Variants in PCDHGB5 observed in about 807,000 individuals in gnomAD.
PCDHGB5 encodes the protein protocadherin gamma-B5.
A neutral mutation model predicts 62.9 loss-of-function variants in PCDHGB5; 48 were observed. The ratio of observed to expected loss-of-function variants is 0.76; its 90% CI spans 0.61 to 0.97. The LOEUF is 0.97. PCDHGB5 is among the 50% of genes least tolerant of loss of function. PCDHGB5 has a pLI of 0.00. For missense variants in PCDHGB5, 1,118 were observed against 1,198.6 expected (o/e 0.93, Z 0.99); for synonymous variants, 474 against 511.2 (o/e 0.93, Z 0.98).
At position 141,427,736 on chromosome 5, in the gene PCDHGB5, A is replaced by G. The variant is rs781594851; in HGVS notation, c.2397+27212A>G. 3.3e-6 allele frequency: 4 copies of G among 1,214,562 alleles called. No individual in the cohort carries two copies. In the South Asian group the frequency reaches 4.9e-5, roughly 15 times the overall value. The allele number at this position is 1,214,562 out of a possible 1,614,324, so 75.2% of individuals were successfully genotyped here. ...ACCTGGACCTAGGGCTGAATGGCCA[A>G]GTCTCCTACTCCATCGTTACCACTG... On this transcript the variant is annotated intron_variant, in intron 1 of 3. Coordinates refer to ENST00000617380, the MANE Select transcript of PCDHGB5 (RefSeq NM_018925.3).
intron 1 of PCDHGB5, chr5:141,404,208 A>G (rs1411239715): frequency 6.2e-7 from 1 of 1,613,782 alleles, no homozygotes; most frequent in Admixed American, 1.7e-5. Flanking sequence ...TCAGAATATA[A>G]TATCACGGTG....
chr5:141,492,740 C>T (rs1364102818), intron 1 of PCDHGB5, among the ~76,000 whole-genome samples: 1 of 152,238 alleles, frequency 6.6e-6, no homozygotes, highest in African/African-American at 2.4e-5. Context: ...GCCCAGTGGC[C>T]GAGGCGCGGC....
chr5:141,464,389 A>G (rs2099082481), intron 1 of PCDHGB5, among the ~76,000 whole-genome samples: 1 of 151,766 alleles, frequency 6.6e-6, no homozygotes, highest in Non-Finnish European at 1.5e-5. Flanking sequence ...AAAAATGCTA[A>G]TGAAGAACCT....
At chr5:141,461,614 T>G (rs954890718) in intron 1 of PCDHGB5, among the ~76,000 whole-genome samples, 11 of 152,208 alleles carry the variant, frequency 7.2e-5, no homozygotes, top group Non-Finnish European at 1.2e-4. Flanking sequence ...TTCAAAGTAT[T>G]TTCTAATACA....
chr5:141,450,826 A>ATTTTT (rs764729742), intron 1 of PCDHGB5, among the ~76,000 whole-genome samples: 2 of 134,302 alleles, frequency 1.5e-5, no homozygotes, highest in African/African-American at 2.9e-5. Flanking sequence ...TATTATTATT[A>ATTTTT]TTATTTTTTT....
intron 1 of PCDHGB5, chr5:141,423,081 C>A: frequency 6.2e-7 from 1 of 1,614,084 alleles, no homozygotes; most frequent in South Asian, 1.1e-5. Context: ...CGGGACTCTT[C>A]GCGGTGGGGG....
At chr5:141,421,436 G>C (rs373015809) in intron 1 of PCDHGB5, 6 of 1,613,994 alleles carry the variant, frequency 3.7e-6, no homozygotes, top group African/African-American at 2.7e-5. Context: ...ATCGTCTCCA[G>C]AGGGAAGACA....
chr5:141,409,000 C>A, intron 1 of PCDHGB5: 4 of 1,613,950 alleles, frequency 2.5e-6, no homozygotes, highest in Non-Finnish European at 3.4e-6. Flanking sequence ...AAGTGACAGC[C>A]ACTGACCAGG....
In PCDHGB5 at chr5:141,476,659, G is replaced by A; in HGVS notation, c.2398-18148G>A. On this transcript the variant is annotated intron_variant, in intron 1 of 3. Coordinates refer to ENST00000617380, the MANE Select transcript of PCDHGB5 (RefSeq NM_018925.3). The surrounding 1 kb of genome is among the most constrained non-coding windows in gnomAD (Gnocchi z 7.6). ...AGCTGAGCCGAAATGAATACTTTGC[G>A]CTTCGCGTGCAGACGCGGGAGGACA... 2 of 1,614,252 alleles carry A rather than the reference G, an allele frequency of 1.2e-6. No homozygotes were observed. Among genetic ancestry groups the A allele is most frequent in the Non-Finnish European group, 8.5e-7 (1 of 1,180,048 alleles).
Position 141,431,980 on chromosome 5 carries a change from C to G in PCDHGB5, c.2397+31456C>G. The G allele has an allele frequency of 6.2e-7, 1 of 1,614,214 alleles. No homozygotes were observed. The highest frequency in any genetic ancestry group is 8.5e-7 in the Non-Finnish European group (1 of 1,180,024). ...GAAATTACTATAGTTTAGTCACAGACATAGTCTTGGATAGGGAACAGGTTC... is the reference window on the plus strand; with the variant it reads ...GAAATTACTATAGTTTAGTCACAGAGATAGTCTTGGATAGGGAACAGGTTC... On this transcript the variant is annotated intron_variant, in intron 1 of 3. Transcript: ENST00000617380. The surrounding 1 kb of genome is among the most constrained non-coding windows in gnomAD (Gnocchi z 4.8).
chr5:141,403,442 G>C (rs565143998), intron 1 of PCDHGB5: 1 of 1,614,024 alleles, frequency 6.2e-7, no homozygotes, highest in East Asian at 2.2e-5. Flanking sequence ...GGATGTTGGC[G>C]TGAACTCCCT....
intron 1 of PCDHGB5, chr5:141,409,838 G>A: frequency 1.2e-6 from 2 of 1,611,532 alleles, no homozygotes; most frequent in Non-Finnish European, 1.7e-6. Context: ...CAGCGCCAAC[G>A]TGAGCCTGCG....
chr5:141,477,453 A>G lies in PCDHGB5; in HGVS notation c.2398-17354A>G, dbSNP rs886363658. 1 of 1,614,018 alleles carries G rather than the reference A, an allele frequency of 6.2e-7. No homozygotes were observed. Among genetic ancestry groups the G allele is most frequent in the African/African-American group, 1.3e-5 (1 of 74,910 alleles). The stretch of plus-strand genomic sequence containing the variant: ...TCAGCCCTTACAATAGTGCGTGTTC[A>G]AGTGTCCGACATCAATGACAACCCT... On this transcript the variant is annotated intron_variant, in intron 1 of 3. Coordinates refer to ENST00000617380, the MANE Select transcript of PCDHGB5 (RefSeq NM_018925.3). This position sits in a 1 kb window ranked among gnomAD's most constrained non-coding sequence, Gnocchi z 4.9.
At chr5:141,474,834 A>G (rs557557147) in intron 1 of PCDHGB5, among the ~76,000 whole-genome samples, 4 of 152,380 alleles carry the variant, frequency 2.6e-5, no homozygotes, top group South Asian at 4.1e-4. Context: ...ACTCTGTGCC[A>G]GGCACTTTAC....
Position 141,485,784 on chromosome 5 carries a change from A to G in PCDHGB5, c.2398-9023A>G, listed in dbSNP as rs760859851. The G allele has an allele frequency of 1.9e-6, 3 of 1,614,096 alleles. No individual in the cohort carries two copies. The African/African-American group carries it at 4.0e-5, about 22-fold the overall frequency. On this transcript the variant is annotated intron_variant, in intron 1 of 3. Transcript: ENST00000617380. This position sits in a 1 kb window ranked among gnomAD's most constrained non-coding sequence, Gnocchi z 5.7. Reference sequence around the variant, plus strand: ...CTGGAGAAGCCTTTGGATCGAGAGAAGCAATCGGACTACCGCCTGGTGCTG... The same window carrying G: ...CTGGAGAAGCCTTTGGATCGAGAGAGGCAATCGGACTACCGCCTGGTGCTG...
intron 1 of PCDHGB5, among the ~76,000 whole-genome samples, chr5:141,460,951 G>GTATA (rs200454978): frequency 7.9e-5 from 11 of 139,774 alleles, no homozygotes; most frequent in Middle Eastern, 3.7e-3. Context: ...TATGTATTAT[G>GTATA]TATATATATA....
At chr5:141,505,121 C>A (rs1194549194) in intron 2 of PCDHGB5, among the ~76,000 whole-genome samples, 1 of 152,168 alleles carries the variant, frequency 6.6e-6, no homozygotes, top group Non-Finnish European at 1.5e-5. Context: ...AAGATCGCGC[C>A]ACTGCACTCC....
chr5:141,470,622 A>G (rs1323376824), intron 1 of PCDHGB5, among the ~76,000 whole-genome samples: 6 of 152,336 alleles, frequency 3.9e-5, no homozygotes, highest in Admixed American at 6.5e-5. Flanking sequence ...CTTCATGCTT[A>G]GATAGGCCCC....
At chr5:141,423,395 C>G (rs1249200485) in intron 1 of PCDHGB5, 1 of 1,614,060 alleles carries the variant, frequency 6.2e-7, no homozygotes, top group Non-Finnish European at 8.5e-7. Context: ...TGGCATAAGT[C>G]ACGCCTGCTG....
Sources: allele counts gnomAD v4.1 joint callset (sites outside exome capture counted in the v4.1 genomes callset), GRCh38; gene constraint gnomAD v4.1.1; non-coding constraint Gnocchi (gnomAD v3.1); transcripts MANE v1.5; gene names NCBI Gene and HGNC (gene_info 2026-07-23, HGNC 2026-07-21).